Variants in LRGUK observed in about 807,000 individuals in gnomAD.
LRGUK encodes the protein leucine-rich repeat and guanylate kinase domain-containing protein.
LRGUK carries 65 observed loss-of-function variants against 76.0 expected under a neutral mutation model. That is an observed-to-expected ratio of 0.85 (90% CI 0.70 to 1.05). LRGUK has a LOEUF of 1.05. Ranked by LOEUF, LRGUK falls within the 50% of genes least tolerant of loss-of-function variation. LRGUK has a pLI of 0.00. For synonymous variants in LRGUK, 268 were observed against 265.6 expected, an observed-to-expected ratio of 1.01 and a Z score of -0.09; for missense variants, 758 against 732.8, an observed-to-expected ratio of 1.03 and a Z score of -0.40.
At chr7:134,160,223 A>G (rs983298979) in intron 6 of LRGUK, among the ~76,000 whole-genome samples, 1 of 152,142 alleles carries the variant, frequency 6.6e-6, no homozygotes, top group African/African-American at 2.4e-5. Flanking sequence ...AATACGTAGC[A>G]TTTTCATCCT....
intron 18 of LRGUK, among the ~76,000 whole-genome samples, chr7:134,250,216 C>CT (rs1457877819): frequency 6.6e-6 from 1 of 152,000 alleles, no homozygotes; most frequent in Non-Finnish European, 1.5e-5. Flanking sequence ...CTTCTTTATC[C>CT]TTTTTTCCTG....
intron 11 of LRGUK, among the ~76,000 whole-genome samples, chr7:134,191,128 T>C (rs1436526096): frequency 6.6e-6 from 1 of 152,100 alleles, no homozygotes; most frequent in Admixed American, 6.6e-5. Context: ...GGATGGGCCC[T>C]GAACATACAA....
intron 5 of LRGUK, among the ~76,000 whole-genome samples, chr7:134,150,154 AG>A (rs1003913997): frequency 1.3e-5 from 2 of 152,132 alleles, no homozygotes; most frequent in African/African-American, 4.8e-5. Flanking sequence ...GGGCACCTGT[AG>A]TCCCAGCTAC....
rs141393159 is a variant in LRGUK at position 134,249,275 on chromosome 7, T to A, written c.2198+199T>A. Among the ~76,000 whole-genome samples, 27 of 152,228 alleles carry A rather than the reference T, an allele frequency of 1.8e-4. No individual in the cohort carries two copies. In the East Asian group the frequency reaches 4.8e-3, roughly 27 times the overall value. On this transcript the variant is annotated intron_variant, in intron 18 of 19. Coordinates refer to the LRGUK transcript ENST00000285928. ...TAACCTAGGTTCACCATTGGAAGCT[T>A]TTATCTGGGACCTTGAATCTTGAGG...
intron 19 of LRGUK, among the ~76,000 whole-genome samples, chr7:134,259,239 G>T (rs1219825975): frequency 1.3e-5 from 2 of 152,122 alleles, no homozygotes; most frequent in African/African-American, 4.8e-5. Context: ...TTTTCTCTCT[G>T]GGCTCCGCGG....
chr7:134,133,009 C>T (rs1030946448), intron 1 of LRGUK, among the ~76,000 whole-genome samples: 12 of 152,244 alleles, frequency 7.9e-5, no homozygotes, highest in African/African-American at 2.4e-4. Context: ...AACGGGAGAC[C>T]GTTCATAGCA....
intron 11 of LRGUK, among the ~76,000 whole-genome samples, chr7:134,185,263 T>G (rs1799935867): frequency 6.6e-6 from 1 of 152,132 alleles, no homozygotes; most frequent in South Asian, 2.1e-4. Flanking sequence ...CAACTGAGTT[T>G]AAAGAGTTTT....
At chr7:134,179,386 T>A (rs1393023488) in intron 10 of LRGUK, among the ~76,000 whole-genome samples, 1 of 152,224 alleles carries the variant, frequency 6.6e-6, no homozygotes, top group Non-Finnish European at 1.5e-5. Flanking sequence ...TATAAATGGC[T>A]TCTCTTCTTC....
At position 134,244,684 on chromosome 7, in the gene LRGUK, C is replaced by G. The variant is rs373932851; in HGVS notation, c.1984-2872C>G. Among the ~76,000 whole-genome samples the G allele has an allele frequency of 4.6e-5, 7 of 152,252 alleles. No individual in the cohort carries two copies. In the East Asian group the frequency reaches 1.2e-3, roughly 25 times the overall value. On this transcript the variant is annotated intron_variant, in intron 16 of 19. Transcript: ENST00000285928. ...ATCTAGAACTAGAAATACCATTTGA[C>G]CCAGCCATCCCATTACTGGGCATAT...
exon 20 of LRGUK, chr7:134,264,340 A>T (rs1463077306): frequency 6.0e-6 from 1 of 166,822 alleles, no homozygotes; most frequent in Non-Finnish European, 1.3e-5. Flanking sequence ...CTGCACCGTG[A>T]TATGCAGAGT....
intron 5 of LRGUK, among the ~76,000 whole-genome samples, chr7:134,151,927 C>T (rs912913648): frequency 6.6e-6 from 1 of 151,972 alleles, no homozygotes; most frequent in South Asian, 2.1e-4. Flanking sequence ...ATTTGAAACA[C>T]ACTTTATCCT....
At chr7:134,227,121 A>C (rs1236143892) in intron 16 of LRGUK, among the ~76,000 whole-genome samples, 1 of 151,244 alleles carries the variant, frequency 6.6e-6, no homozygotes, top group Non-Finnish European at 1.5e-5. Flanking sequence ...TTAGGGGAGG[A>C]TGATCCTGAG....
At chr7:134,249,536 A>T (rs1802394110) in intron 18 of LRGUK, among the ~76,000 whole-genome samples, 1 of 152,160 alleles carries the variant, frequency 6.6e-6, no homozygotes, top group African/African-American at 2.4e-5. Flanking sequence ...AGTACCCCAT[A>T]GCCTTCCACT....
chr7:134,252,236 G>A (rs889233360), intron 18 of LRGUK, among the ~76,000 whole-genome samples: 1 of 151,854 alleles, frequency 6.6e-6, no homozygotes, highest in Non-Finnish European at 1.5e-5. Flanking sequence ...TACTCAGGAG[G>A]CTGAGGTGGG....
At chr7:134,227,815 T>C (rs1167295501) in intron 16 of LRGUK, among the ~76,000 whole-genome samples, 1 of 152,078 alleles carries the variant, frequency 6.6e-6, no homozygotes, top group African/African-American at 2.4e-5. Context: ...ACTGAAAAGT[T>C]GATAAGAAAA....
chr7:134,165,936 C>T (rs1294167768), intron 7 of LRGUK, among the ~76,000 whole-genome samples: 1 of 152,116 alleles, frequency 6.6e-6, no homozygotes, highest in Non-Finnish European at 1.5e-5. Context: ...TAAAGAGGCT[C>T]CATGAAAAAA....
At chr7:134,142,175 A>G (rs1232660494) in intron 3 of LRGUK, among the ~76,000 whole-genome samples, 1 of 152,156 alleles carries the variant, frequency 6.6e-6, no homozygotes, top group Non-Finnish European at 1.5e-5. Flanking sequence ...GTAATAGCGC[A>G]TACTATGATC....
chr7:134,137,713 CA>C (rs1797594801), intron 2 of LRGUK, among the ~76,000 whole-genome samples: 2 of 152,212 alleles, frequency 1.3e-5, no homozygotes, highest in African/African-American at 4.8e-5. Context: ...GCTGTAAGAG[CA>C]AACTACTGGG....
At chr7:134,197,020 G>A in exon 13 of LRGUK, 1 of 1,604,006 alleles carries the variant, frequency 6.2e-7, no homozygotes, top group African/African-American at 1.3e-5. Context: ...TTTAGTTATG[G>A]TAATCACAAG....
Sources: gnomAD v4.1 joint callset for allele counts (sites outside exome capture counted in the v4.1 genomes callset) on GRCh38, gnomAD v4.1.1 for gene constraint, MANE v1.5 for transcripts, NCBI Gene and HGNC (gene_info 2026-07-23, HGNC 2026-07-21) for gene names.